DLC1: variants seen among roughly 807,000 people sequenced by gnomAD.
DLC1 encodes DLC1 Rho GTPase activating protein, also known as rho GTPase-activating protein 7.
Under a neutral mutation model 140.3 loss-of-function variants are expected in DLC1, and 54 were observed. That is an observed-to-expected ratio of 0.38 (90% CI 0.31 to 0.48). The LOEUF is 0.48. Ranked by LOEUF, DLC1 falls within the 20% of genes least tolerant of loss-of-function variation. DLC1 has a pLI of 0.96. For synonymous variants in DLC1, 986 were observed against 728.1 expected (o/e 1.35, Z -5.70); for missense variants, 2,536 against 1,907.0 (o/e 1.33, Z -6.14).
chr8:13,451,061 A>AAAAAAAAAAAAAAAG (rs1563357501), intron 2 of DLC1, among the ~76,000 whole-genome samples: 9 of 138,456 alleles, frequency 6.5e-5, no homozygotes, highest in Non-Finnish European at 9.2e-5. Context: ...AAAAAAAAAA[A>AAAAAAAAAAAAAAAG]AAAAAAAGAA....
chr8:13,520,642 C>T (rs1802735914), intron 1 of DLC1, among the ~76,000 whole-genome samples: 1 of 151,756 alleles, frequency 6.6e-6, no homozygotes, highest in African/African-American at 2.4e-5. Context: ...AAAAAAGAAA[C>T]TTAGCAAATA....
chr8:13,102,832 T>C lies in DLC1; in HGVS notation c.1524A>G (p.Lys508=). ...ALCRRLNTLN[K]CAVMKLEISP... is the part of the protein sequence containing the mutation. ...TAATTTCTAGCTTCATCACCGCACA[T>C]TTGTTTAAAGTATTTAGACGCCTAT... The change falls in exon 8 of 18, where the codon AAA becomes AAG. Residue 508 remains lysine (K), a synonymous_variant. Coordinates refer to ENST00000276297, the MANE Select transcript of DLC1 (RefSeq NM_182643.3). 6.2e-7 allele frequency: 1 copy of C among 1,614,072 alleles called. No individual in the cohort carries two copies. The highest frequency in any genetic ancestry group is 8.5e-7 in the Non-Finnish European group (1 of 1,179,992).
intron 2 of DLC1, among the ~76,000 whole-genome samples, chr8:13,473,275 T>G (rs1228155753): frequency 6.6e-6 from 1 of 152,180 alleles, no homozygotes; most frequent in Admixed American, 6.5e-5. Flanking sequence ...TCCCACATGT[T>G]GTGGGAAGGA....
At chr8:13,162,429 T>G (rs1442592748) in intron 5 of DLC1, among the ~76,000 whole-genome samples, 1 of 152,144 alleles carries the variant, frequency 6.6e-6, no homozygotes, top group African/African-American at 2.4e-5. Flanking sequence ...TTCAAGAGAT[T>G]TTCCTGCCTC....
intron 5 of DLC1, among the ~76,000 whole-genome samples, chr8:13,133,916 G>T (rs1367922668): frequency 6.6e-6 from 1 of 152,146 alleles, no homozygotes; most frequent in Non-Finnish European, 1.5e-5. Context: ...GCATGGGTAC[G>T]GAGCCAATGT....
chr8:13,321,819 A>G (rs1833137553), intron 4 of DLC1, among the ~76,000 whole-genome samples: 1 of 152,086 alleles, frequency 6.6e-6, no homozygotes, highest in African/African-American at 2.4e-5. Flanking sequence ...AATAATTCAC[A>G]CCAAATTGAC....
At chr8:13,199,739 G>A (rs1827274076) in intron 5 of DLC1, among the ~76,000 whole-genome samples, 1 of 152,142 alleles carries the variant, frequency 6.6e-6, no homozygotes, top group African/African-American at 2.4e-5. Flanking sequence ...AGAGGTGAGG[G>A]AAATGGGTAA....
chr8:13,215,288 A>C (rs1654383909), intron 5 of DLC1, among the ~76,000 whole-genome samples: 1 of 152,224 alleles, frequency 6.6e-6, no homozygotes, highest in African/African-American at 2.4e-5. Context: ...CTCTGAATTT[A>C]AATATTAAAT....
chr8:13,450,907 C>T (rs1346442347), intron 2 of DLC1, among the ~76,000 whole-genome samples: 2 of 151,406 alleles, frequency 1.3e-5, no homozygotes, highest in African/African-American at 2.4e-5. Flanking sequence ...GGCATGGTGG[C>T]CTGTGCCTGT....
intron 5 of DLC1, among the ~76,000 whole-genome samples, chr8:13,297,368 A>G (rs1462440550): frequency 6.7e-6 from 1 of 150,232 alleles, no homozygotes; most frequent in Admixed American, 6.8e-5. Flanking sequence ...AAGAGAATAA[A>G]TAATTTGGAA....
At chr8:13,580,314 G>A (rs1432831685) in intron 1 of DLC1, among the ~76,000 whole-genome samples, 1 of 152,036 alleles carries the variant, frequency 6.6e-6, no homozygotes, top group Non-Finnish European at 1.5e-5. Context: ...GTAGAGACAG[G>A]GTTTCGCCGT....
intron 5 of DLC1, among the ~76,000 whole-genome samples, chr8:13,139,288 C>CAAAAAAAAAAAAAAAAAAA (rs67684524): frequency 1.2e-4 from 6 of 49,288 alleles, no homozygotes; most frequent in Admixed American, 7.4e-4. Flanking sequence ...GACCCTGTCT[C>CAAAAAAAAAAAAAAAAAAA]AAAAAAAAAA....
chr8:13,134,996 G>C (rs1822445262), intron 5 of DLC1, among the ~76,000 whole-genome samples: 1 of 152,124 alleles, frequency 6.6e-6, no homozygotes. Context: ...GGTGCTGTGA[G>C]GGCCCAGGAA....
At chr8:13,188,080 A>ATTT (rs34182663) in intron 5 of DLC1, among the ~76,000 whole-genome samples, 3 of 119,172 alleles carry the variant, frequency 2.5e-5, no homozygotes, top group Admixed American at 8.8e-5. Flanking sequence ...AACAGTGGCA[A>ATTT]TTTTTTTTTT....
chr8:13,275,894 A>T (rs1168545422), intron 5 of DLC1, among the ~76,000 whole-genome samples: 1 of 152,136 alleles, frequency 6.6e-6, no homozygotes, highest in Admixed American at 6.5e-5. Context: ...AGCTGACCCG[A>T]GACAGCCCCG....
At chr8:13,417,014 C>A (rs932728033) in intron 2 of DLC1, among the ~76,000 whole-genome samples, 2 of 151,814 alleles carry the variant, frequency 1.3e-5, no homozygotes, top group Admixed American at 1.3e-4. Context: ...TAAATAAGTC[C>A]GAGGATTTCT....
At chr8:13,298,301 GT>G (rs1322600285) in intron 5 of DLC1, among the ~76,000 whole-genome samples, 1 of 152,098 alleles carries the variant, frequency 6.6e-6, no homozygotes, top group Non-Finnish European at 1.5e-5. Context: ...CCCTTTACAC[GT>G]TTCTGTGGCA....
At chr8:13,590,217 C>T (rs991728624) in intron 1 of DLC1, among the ~76,000 whole-genome samples, 4 of 151,968 alleles carry the variant, frequency 2.6e-5, no homozygotes, top group Admixed American at 1.3e-4. Context: ...CTCTCAACAT[C>T]CTTGAATATC....
chr8:13,257,439 GAAAAAAAA>G (rs34452124), intron 5 of DLC1, among the ~76,000 whole-genome samples: 7 of 104,468 alleles, frequency 6.7e-5, no homozygotes, highest in Admixed American at 1.0e-4. Context: ...CCTGTCTCAG[GAAAAAAAA>G]AAAAAAAAAA....
Sources: allele counts gnomAD v4.1 joint callset (sites outside exome capture counted in the v4.1 genomes callset), GRCh38; gene constraint gnomAD v4.1.1; transcripts MANE v1.5; gene names NCBI Gene and HGNC (gene_info 2026-07-23, HGNC 2026-07-21).